Variants in APLP2 observed in about 807,000 individuals in gnomAD.
The protein encoded by APLP2 is CDEI box-binding protein.
APLP2 carries 53 observed loss-of-function variants against 89.9 expected under a neutral mutation model. That is an observed-to-expected ratio of 0.59 (90% CI 0.47 to 0.74). APLP2 has a LOEUF of 0.74. Among genes scored for constraint, APLP2 ranks in the 30% least tolerant of loss-of-function variants. APLP2 has a pLI of 0.00. For synonymous variants in APLP2, 372 were observed against 348.6 expected, an observed-to-expected ratio of 1.07 and a Z score of -0.75; for missense variants, 973 against 975.9, an observed-to-expected ratio of 1.00 and a Z score of 0.04.
At chr11:130,086,745 T>C (rs2135475875) in intron 1 of APLP2, among the ~76,000 whole-genome samples, 1 of 152,346 alleles carries the variant, frequency 6.6e-6, no homozygotes, top group South Asian at 2.1e-4. Context: ...CAAGTTGCTA[T>C]CCAGTCTCTG....
chr11:130,104,093 T>A (rs1258615939), intron 1 of APLP2, among the ~76,000 whole-genome samples: 2 of 152,082 alleles, frequency 1.3e-5, no homozygotes, highest in African/African-American at 4.8e-5. Flanking sequence ...CACGAAAATA[T>A]CCCTGGGGTT....
In APLP2 at chr11:130,141,528, A is replaced by C. The variant is rs1172734431; in HGVS notation, c.1954A>C (p.Met652Leu). The change falls in exon 15 of 17, where the codon ATG becomes CTG. Residue 652 changes from methionine to leucine, a missense_variant. Transcript: ENST00000338167. This position sits in a 1 kb window ranked among gnomAD's most constrained non-coding sequence, Gnocchi z 4.2. ...TGACGAGACTCTGGATGTTAAGGAA[A>C]TGATTTTCAATGCCGAGAGAGTTGG... Reference protein sequence around the residue: ...VIDETLDVKEMIFNAERVGGL... With the variant: ...VIDETLDVKELIFNAERVGGL... The C allele has an allele frequency of 6.2e-7, 1 of 1,613,930 alleles. No homozygotes were observed. The highest frequency in any genetic ancestry group is 8.5e-7 in the Non-Finnish European group (1 of 1,180,030).
At chr11:130,073,606 G>A (rs941482210) in intron 1 of APLP2, among the ~76,000 whole-genome samples, 1 of 152,192 alleles carries the variant, frequency 6.6e-6, no homozygotes, top group Non-Finnish European at 1.5e-5. Flanking sequence ...ACTTTGGGAG[G>A]CCGAGGTGGG....
rs373965296 is a variant in APLP2, at chr11:130,073,818, C to T, written c.105+3736C>T. On this transcript the variant is annotated intron_variant, in intron 1 of 16. Transcript: ENST00000338167. The stretch of plus-strand genomic sequence containing the variant: ...CTGCACTCCAGCCTGGGCAACAGAG[C>T]GAGACTCCATCTCAAGAAAACAAGA... Among the ~76,000 whole-genome samples the T allele has an allele frequency of 1.8e-4, 28 of 152,108 alleles. 1 individual carries two copies. The highest frequency in any genetic ancestry group is 5.1e-4 in the African/African-American group (21 of 41,516).
rs1430458134 is a variant in APLP2, at chr11:130,069,924, A to T, written c.-54A>T. The T allele has an allele frequency of 2.2e-6, 3 of 1,333,634 alleles. No homozygotes were observed. The highest frequency in any genetic ancestry group is 2.9e-5 in the East Asian group (1 of 33,964). The allele number at this position is 1,333,634 out of a possible 1,614,324, so 82.6% of individuals were successfully genotyped here. A position where few individuals can be genotyped will look rare whatever the true frequency, so the allele number is the denominator to read the frequency against. On this transcript the variant is annotated 5_prime_UTR_variant, in exon 1 of 17. Coordinates refer to ENST00000338167, the MANE Select transcript of APLP2 (RefSeq NM_001142276.2). ...CTTCTGGGTCGCGGTGTGCTAAGCGAGGAGTCCGAGTGTGTGAGCTTGAGA... is the reference window on the plus strand; with the variant it reads ...CTTCTGGGTCGCGGTGTGCTAAGCGTGGAGTCCGAGTGTGTGAGCTTGAGA...
In APLP2 at chr11:130,143,652, T is replaced by C; in HGVS notation, c.*204T>C. On this transcript the variant is annotated 3_prime_UTR_variant, in exon 17 of 17. Coordinates refer to ENST00000338167, the MANE Select transcript of APLP2 (RefSeq NM_001142276.2). The stretch of plus-strand genomic sequence containing the variant: ...GGTGAAAAATGGTAATATAACAATA[T>C]ATGATATATAAACCTTAAATGAAAA... 1 of 535,222 alleles carries C rather than the reference T, an allele frequency of 1.9e-6. No homozygotes were observed. The highest frequency in any genetic ancestry group is 3.4e-6 in the Non-Finnish European group (1 of 298,206). 33.2% of individuals were successfully genotyped at this position (535,222 alleles called of 1,614,324 possible).
chr11:130,078,046 C>T (rs1437709731), intron 1 of APLP2, among the ~76,000 whole-genome samples: 3 of 152,160 alleles, frequency 2.0e-5, no homozygotes, highest in Non-Finnish European at 4.4e-5. Context: ...CCAGTATCTC[C>T]TTTCCTTCCT....
intron 9 of APLP2, among the ~76,000 whole-genome samples, chr11:130,128,762 A>C (rs760837722): frequency 1.4e-4 from 22 of 152,224 alleles, no homozygotes; most frequent in Non-Finnish European, 2.6e-4. Flanking sequence ...TTGAGAAACC[A>C]GGCCTTGGGC....
In APLP2 at chr11:130,127,762, C is replaced by G; in HGVS notation, c.1222-4C>G. On this transcript the variant is annotated splice_polypyrimidine_tract_variant and splice_region_variant and intron_variant, in intron 8 of 16. Transcript: ENST00000338167. ...GCTGACGGCGTTTTTGACCTTTGTT[C>G]TAGGTAAAGAAGGAATGGGAAGAGG... 3 of 1,613,906 alleles carry G rather than the reference C, an allele frequency of 1.9e-6. No individual in the cohort carries two copies. Among genetic ancestry groups the G allele is most frequent in the Non-Finnish European group, 2.5e-6 (3 of 1,179,912 alleles).
At chr11:130,126,002 A>G (rs1179003821) in intron 7 of APLP2, among the ~76,000 whole-genome samples, 2 of 152,178 alleles carry the variant, frequency 1.3e-5, no homozygotes, top group Admixed American at 1.3e-4. Context: ...CCTATTGGTC[A>G]GTGTCATGGA....
intron 12 of APLP2, among the ~76,000 whole-genome samples, chr11:130,134,024 C>T (rs984610757): frequency 2.6e-5 from 4 of 152,288 alleles, no homozygotes; most frequent in African/African-American, 4.8e-5. Flanking sequence ...TTCCTGTTCC[C>T]GTTTTCCTCC....
At chr11:130,100,863 A>G (rs1946816402) in intron 1 of APLP2, among the ~76,000 whole-genome samples, 1 of 152,188 alleles carries the variant, frequency 6.6e-6, no homozygotes, top group African/African-American at 2.4e-5. Flanking sequence ...AAGACCAAGA[A>G]TTTTCCATTC....
chr11:130,143,098 A>C (rs1952620346), intron 16 of APLP2, among the ~76,000 whole-genome samples: 1 of 152,202 alleles, frequency 6.6e-6, no homozygotes, highest in African/African-American at 2.4e-5. Context: ...TAGGAAATCC[A>C]GTTGACTGTC....
At chr11:130,135,413 G>A in intron 12 of APLP2, 150 bp from the exon 13 acceptor site, 1 of 912,266 alleles carries the variant, frequency 1.1e-6, no homozygotes, top group Non-Finnish European at 1.6e-6. Context: ...GGTCCCTGGT[G>A]TTGGGGCTCT....
At chr11:130,116,713 C>A (rs373871267) in intron 3 of APLP2, among the ~76,000 whole-genome samples, 3 of 151,924 alleles carry the variant, frequency 2.0e-5, no homozygotes, top group South Asian at 2.1e-4. Flanking sequence ...CTCAAGTGAT[C>A]CACCTGCCTC....
chr11:130,119,289 C>T (rs772893741), intron 3 of APLP2, among the ~76,000 whole-genome samples: 3 of 152,122 alleles, frequency 2.0e-5, no homozygotes, highest in Non-Finnish European at 4.4e-5. Flanking sequence ...CTTCCTCTCC[C>T]TCTACACTGT....
intron 1 of APLP2, among the ~76,000 whole-genome samples, chr11:130,108,180 A>G (rs1565575653): frequency 6.6e-6 from 1 of 152,244 alleles, no homozygotes; most frequent in Non-Finnish European, 1.5e-5. Flanking sequence ...CTAAAACACC[A>G]AAAGCAATGG....
rs72472257 is a variant in APLP2 at position 130,122,122 on chromosome 11, A to G, written c.714-183A>G. Among the ~76,000 whole-genome samples the G allele has an allele frequency of 3.9e-3, 597 of 152,252 alleles. 18 individuals are homozygous for G. The East Asian group carries it at 0.075, about 19-fold the overall frequency. On this transcript the variant is annotated intron_variant, in intron 5 of 16. Transcript: ENST00000338167. The stretch of plus-strand genomic sequence containing the variant: ...TATTGTTGTATCATGATTAGATTCA[A>G]ATGTTCACAAATACTTCCCGTTTGC...
Position 130,121,562 on chromosome 11 carries a change from G to T in APLP2, c.517-52G>T. ...GGAGGGTAGAGATCGGAGTGTATTT[G>T]ACCACGTTTACTCTGGAGTATGTTC... On this transcript the variant is annotated intron_variant, in intron 4 of 16. Transcript: ENST00000338167. 3 of 1,531,836 alleles carry T rather than the reference G, an allele frequency of 2.0e-6. No homozygotes were observed. In the South Asian group the frequency reaches 3.9e-5, roughly 20 times the overall value. 94.9% of individuals were successfully genotyped at this position (1,531,836 alleles called of 1,614,324 possible).
Sources: allele counts gnomAD v4.1 joint callset (sites outside exome capture counted in the v4.1 genomes callset), GRCh38; gene constraint gnomAD v4.1.1; non-coding constraint Gnocchi (gnomAD v3.1); transcripts MANE v1.5; gene names NCBI Gene and HGNC (gene_info 2026-07-23, HGNC 2026-07-21).